CSMD1: variants seen among roughly 807,000 people sequenced by gnomAD.
The protein encoded by CSMD1 is CUB and sushi domain-containing protein 1.
A neutral mutation model predicts 417.5 loss-of-function variants in CSMD1; 213 were observed. The observed-to-expected ratio is 0.51, with a 90% CI of 0.46 to 0.57. CSMD1 has a LOEUF of 0.57. Ranked by LOEUF, CSMD1 falls within the 20% of genes least tolerant of loss-of-function variation. The pLI is 0.00. For synonymous variants in CSMD1, 2,862 were observed against 1,736.8 expected (o/e 1.65, Z -16.11); for missense variants, 6,923 against 4,529.7 (o/e 1.53, Z -15.17).
intron 5 of CSMD1, among the ~76,000 whole-genome samples, chr8:3,772,026 T>C (rs1798599554): frequency 6.6e-6 from 1 of 152,006 alleles, no homozygotes; most frequent in Middle Eastern, 3.4e-3. Context: ...GAAATGGATC[T>C]AAAGAGGAGC....
At chr8:4,325,106 T>C (rs1330373203) in intron 3 of CSMD1, among the ~76,000 whole-genome samples, 1 of 152,126 alleles carries the variant, frequency 6.6e-6, no homozygotes, top group South Asian at 2.1e-4. Context: ...GTAACCCACT[T>C]GATGATACTG....
At chr8:4,156,646 C>A (rs1197879099) in intron 3 of CSMD1, among the ~76,000 whole-genome samples, 1 of 151,950 alleles carries the variant, frequency 6.6e-6, no homozygotes, top group Non-Finnish European at 1.5e-5. Context: ...TTGGTGATAC[C>A]AGGTACCCAT....
intron 1 of CSMD1, among the ~76,000 whole-genome samples, chr8:4,676,625 C>A (rs1805698346): frequency 6.6e-6 from 1 of 152,112 alleles, no homozygotes; most frequent in Admixed American, 6.6e-5. Flanking sequence ...CCTTTCGCAC[C>A]TGCAGCAATC....
At position 3,913,713 on chromosome 8, in the gene CSMD1, T is replaced by C. The variant is rs1197661334; in HGVS notation, c.818+84190A>G. ...CTTTCAGGAAGTTTAGATGGAAGCA[T>C]GCAGGGAAGGCAGGAGTGGGGAAGG... On this transcript the variant is annotated intron_variant, in intron 5 of 69. Transcript: ENST00000635120. 2.6e-5 allele frequency among the ~76,000 whole-genome samples: 4 copies of C among 152,124 alleles called. No homozygotes were observed. In the South Asian group the frequency reaches 8.3e-4, roughly 32 times the overall value.
intron 3 of CSMD1, among the ~76,000 whole-genome samples, chr8:4,340,604 T>G (rs1018290195): frequency 6.6e-6 from 1 of 152,106 alleles, no homozygotes; most frequent in African/African-American, 2.4e-5. Flanking sequence ...CACAGTACTC[T>G]TGCTTGGCTG....
At chr8:4,142,813 C>T (rs1308878722) in intron 3 of CSMD1, among the ~76,000 whole-genome samples, 1 of 150,964 alleles carries the variant, frequency 6.6e-6, no homozygotes, top group Non-Finnish European at 1.5e-5. Context: ...TTTTTAAAAG[C>T]CTAACAGAGG....
At chr8:3,517,203 C>G (rs892519536) in intron 10 of CSMD1, among the ~76,000 whole-genome samples, 2 of 152,090 alleles carry the variant, frequency 1.3e-5, no homozygotes, top group African/African-American at 4.8e-5. Flanking sequence ...CTCTTTGCAT[C>G]TCAGAATTGC....
chr8:3,651,251 G>C (rs1184777521), intron 7 of CSMD1, among the ~76,000 whole-genome samples: 2 of 152,040 alleles, frequency 1.3e-5, no homozygotes, highest in African/African-American at 2.4e-5. Context: ...CACCCCTTTG[G>C]TTGAAACACC....
chr8:3,311,773 G>A (rs572989389), intron 23 of CSMD1, among the ~76,000 whole-genome samples: 2 of 150,214 alleles, frequency 1.3e-5, no homozygotes, highest in African/African-American at 4.8e-5. Flanking sequence ...TGATTGTACA[G>A]AAGCGTTTAT....
chr8:3,950,875 T>C (rs1399832128), intron 5 of CSMD1, among the ~76,000 whole-genome samples: 2 of 152,208 alleles, frequency 1.3e-5, no homozygotes, highest in African/African-American at 2.4e-5. Flanking sequence ...TTTCATTTTA[T>C]TTCTCTTTCA....
rs1309074141 is a variant in CSMD1, at chr8:3,440,951, G to C, written c.1561+27761C>G. On this transcript the variant is annotated intron_variant, in intron 12 of 69. Transcript: ENST00000635120. ...AGACGTGGTGACTGTGATTTTATTTGGAAAATGGGTCTTTGCAGATGGAAT... is the reference window on the plus strand; with the variant it reads ...AGACGTGGTGACTGTGATTTTATTTCGAAAATGGGTCTTTGCAGATGGAAT... Among the ~76,000 whole-genome samples the C allele has an allele frequency of 2.6e-5, 4 of 152,116 alleles. No individual in the cohort carries two copies. The East Asian group carries it at 5.8e-4, about 22-fold the overall frequency.
rs577724202 is a variant in CSMD1 at position 3,293,534 on chromosome 8, C to CT, written c.3951-9189dup. Among the ~76,000 whole-genome samples the CT allele has an allele frequency of 1.7e-3, 262 of 152,182 alleles. 3 individuals are homozygous for CT. Among genetic ancestry groups the CT allele is most frequent in the Admixed American group, 4.3e-3 (66 of 15,280 alleles). The stretch of plus-strand genomic sequence containing the variant: ...GAGGCTTTGTTTGTTTCTTTTTATT[C>CT]TTTTTTTCTCTAAACTTCTCTTCTT... On this transcript the variant is annotated intron_variant, in intron 25 of 69. Coordinates refer to ENST00000635120, the MANE Select transcript of CSMD1 (RefSeq NM_033225.6).
chr8:3,316,575 T>C (rs1482685791), intron 23 of CSMD1, among the ~76,000 whole-genome samples: 1 of 152,128 alleles, frequency 6.6e-6, no homozygotes. Context: ...CTGGACGCCA[T>C]CCACTCAGAG....
intron 1 of CSMD1, among the ~76,000 whole-genome samples, chr8:4,759,004 T>C (rs1219923253): frequency 2.1e-5 from 2 of 97,462 alleles, no homozygotes; most frequent in South Asian, 2.7e-4. Flanking sequence ...AAGAATGTCT[T>C]AAATAAGGTT....
At chr8:4,210,326 G>C (rs940760323) in intron 3 of CSMD1, among the ~76,000 whole-genome samples, 21 of 152,278 alleles carry the variant, frequency 1.4e-4, no homozygotes, top group Middle Eastern at 3.4e-3. Flanking sequence ...GTGTGGGATT[G>C]TGCTGTGTCA....
chr8:4,899,302 C>A (rs547861656), intron 1 of CSMD1, among the ~76,000 whole-genome samples: 82 of 150,056 alleles, frequency 5.5e-4, no homozygotes, highest in African/African-American at 1.9e-3. Context: ...TTATTGATAA[C>A]ATAAATTCTT....
At chr8:3,796,488 C>G (rs1277239063) in intron 5 of CSMD1, among the ~76,000 whole-genome samples, 1 of 138,812 alleles carries the variant, frequency 7.2e-6, no homozygotes, top group African/African-American at 2.6e-5. Context: ...ATCTATCTAT[C>G]ATGTATAGAT....
At chr8:4,904,707 G>C (rs898198608) in intron 1 of CSMD1, among the ~76,000 whole-genome samples, 2 of 151,994 alleles carry the variant, frequency 1.3e-5, no homozygotes, top group Non-Finnish European at 2.9e-5. Flanking sequence ...ATGGAAGAAA[G>C]TAACACAGGT....
chr8:3,058,709 A>G (rs914852800), intron 49 of CSMD1, among the ~76,000 whole-genome samples: 1 of 151,418 alleles, frequency 6.6e-6, no homozygotes, highest in Non-Finnish European at 1.5e-5. Context: ...TTGAGACTCT[A>G]CTTTTCTAAC....
Sources: gnomAD v4.1 joint callset for allele counts (sites outside exome capture counted in the v4.1 genomes callset) on GRCh38, gnomAD v4.1.1 for gene constraint, MANE v1.5 for transcripts, NCBI Gene and HGNC (gene_info 2026-07-23, HGNC 2026-07-21) for gene names.